Variants in OR5AS1 observed in about 807,000 individuals in gnomAD.
OR5AS1 encodes the protein olfactory receptor family 5 subfamily AS member 1.
For synonymous variants in OR5AS1, 196 were observed against 141.7 expected (o/e 1.38, Z -2.72); for missense variants, 492 against 378.2 (o/e 1.30, Z -2.50).
intron 1 of OR5AS1, among the ~76,000 whole-genome samples, chr11:56,030,022 A>T (rs191338771): frequency 7.2e-4 from 110 of 152,224 alleles, no homozygotes; most frequent in African/African-American, 2.4e-3. Context: ...ATGTGATTTT[A>T]GGGTTGCAAA....
In OR5AS1 at chr11:56,037,345, A is replaced by G. The variant is rs1414377696; in HGVS notation, c.*5952A>G. 2 of 152,084 alleles carry G rather than the reference A, an allele frequency of 1.3e-5. No homozygotes were observed. Among genetic ancestry groups the G allele is most frequent in the Non-Finnish European group, 2.9e-5 (2 of 68,008 alleles). 9.4% of individuals were successfully genotyped at this position (152,084 alleles called of 1,614,324 possible). A position where few individuals can be genotyped will look rare whatever the true frequency, so the allele number is the denominator to read the frequency against. ...ATCGTCTCTGTTTGCAGATGACATG[A>G]TTGTATATTTAGAAAACCCCATCGT... On this transcript the variant is annotated 3_prime_UTR_variant, in exon 2 of 2. Transcript: ENST00000641320.
Position 56,030,610 on chromosome 11 carries a change from C to A in OR5AS1, c.192C>A (p.Ser64Arg). The A allele has an allele frequency of 6.5e-7, 1 of 1,546,544 alleles. No homozygotes were observed. The highest frequency in any genetic ancestry group is 8.7e-7 in the Non-Finnish European group (1 of 1,149,768). The change falls in exon 2 of 2, where the codon AGC becomes AGA. Residue 64 changes from serine to arginine, a missense_variant. Transcript: ENST00000641320. Reference sequence around the variant, plus strand: ...AAATTCCCATGTATTATTTTCTTAGCAACTTATCTTTCTTAGACATCAGCT... The same window carrying A: ...AAATTCCCATGTATTATTTTCTTAGAAACTTATCTTTCTTAGACATCAGCT... ...SLQIPMYYFL[S>R]NLSFLDISCS...
In OR5AS1 at chr11:56,030,634, C is replaced by A; in HGVS notation, c.216C>A (p.Ser72Arg). The A allele has an allele frequency of 6.4e-7, 1 of 1,560,224 alleles. No individual in the cohort carries two copies. Among genetic ancestry groups the A allele is most frequent in the Non-Finnish European group, 8.7e-7 (1 of 1,154,572 alleles). ...GCAACTTATCTTTCTTAGACATCAG[C>A]TGTTCTACAGCAATCACTCCTAAAA... ...FLSNLSFLDI[S>R]CSTAITPKML... The change falls in exon 2 of 2, where the codon AGC becomes AGA. Residue 72 changes from serine (S) to arginine (R), a missense_variant. Ser to Arg is a moderately radical substitution (Grantham distance 110). Coordinates refer to ENST00000641320, the MANE Select transcript of OR5AS1 (RefSeq NM_001001921.2).
At chr11:56,029,894 C>T (rs1484802465) in intron 1 of OR5AS1, among the ~76,000 whole-genome samples, 4 of 152,008 alleles carry the variant, frequency 2.6e-5, no homozygotes, top group African/African-American at 7.3e-5. Context: ...AATTACCATG[C>T]TCTTAACTAC....
chr11:56,030,471 C>A lies in OR5AS1; in HGVS notation c.53C>A (p.Thr18Lys). ...ACTGAGTTCCTATTTGTTGGATTCA[C>A]AGATTATCTACCTCTCAGAGTCACA... ...MPTEFLFVGFTDYLPLRVTLF... is the reference protein window; with the variant it reads ...MPTEFLFVGFKDYLPLRVTLF... Residue 18 changes from threonine (T) to lysine (K), a missense_variant, in exon 2 of 2, where the codon ACA (threonine) becomes AAA (lysine). Physicochemically the swap from Thr to Lys is moderately conservative, Grantham distance 78. Coordinates refer to ENST00000641320, the MANE Select transcript of OR5AS1 (RefSeq NM_001001921.2). 1.3e-6 allele frequency: 2 copies of A among 1,495,050 alleles called. No homozygotes were observed. Among genetic ancestry groups the A allele is most frequent in the Non-Finnish European group, 1.8e-6 (2 of 1,120,744 alleles). The allele number at this position is 1,495,050 out of a possible 1,614,324, so 92.6% of individuals were successfully genotyped here.
Position 56,030,944 on chromosome 11 carries a change from C to T in OR5AS1, c.526C>T (p.His176Tyr). 4.3e-6 allele frequency: 7 copies of T among 1,614,116 alleles called. No individual in the cohort carries two copies. The highest frequency in any genetic ancestry group is 5.9e-6 in the Non-Finnish European group (7 of 1,179,988). Residue 176 changes from histidine (H) to tyrosine (Y), a missense_variant, in exon 2 of 2, where the codon CAT becomes TAT. Transcript: ENST00000641320. ...ATTTTGTGGCTCCAATATCGTCAAT[C>T]ATTTTTTCTGTGATATCCCACCTCT... is the stretch of plus-strand genomic sequence containing the variant. ...LSFCGSNIVN[H>Y]FFCDIPPLLA... is the part of the protein sequence containing the mutation.
rs1853415459 is a variant in OR5AS1, at chr11:56,037,271, G to A, written c.*5878G>A. ...TTGAAAGTGCTGGCCAGGGCAATCA[G>A]GCAAGATAAAGAAATAAAGGATATT... On this transcript the variant is annotated 3_prime_UTR_variant, in exon 2 of 2. Transcript: ENST00000641320. 6.6e-6 allele frequency: 1 copy of A among 152,026 alleles called. No individual in the cohort carries two copies. Among genetic ancestry groups the A allele is most frequent in the Non-Finnish European group, 1.5e-5 (1 of 68,028 alleles). 9.4% of individuals were successfully genotyped at this position (152,026 alleles called of 1,614,324 possible).
intron 1 of OR5AS1, 76 bp from the exon 2 acceptor site, chr11:56,030,315 T>C (rs1268620857): frequency 1.7e-6 from 1 of 594,108 alleles, no homozygotes; most frequent in Non-Finnish European, 2.7e-6. Flanking sequence ...TCTATTTGAT[T>C]CCTTAGAAGA....
chr11:56,037,823 G>T lies in OR5AS1; in HGVS notation c.*6430G>T, dbSNP rs1445922030. 3.3e-5 allele frequency: 5 copies of T among 151,202 alleles called. No homozygotes were observed. Among genetic ancestry groups the T allele is most frequent in the African/African-American group, 4.9e-5 (2 of 41,124 alleles). The allele number at this position is 151,202 out of a possible 1,614,324, so 9.4% of individuals were successfully genotyped here. A position where few individuals can be genotyped will look rare whatever the true frequency, so the allele number is the denominator to read the frequency against. Reference sequence around the variant, plus strand: ...GCCCATGTAGCCCAGGCAATCCTAAGCAAAAAGAACAAAGCTGGAGGCATC... The same window carrying T: ...GCCCATGTAGCCCAGGCAATCCTAATCAAAAAGAACAAAGCTGGAGGCATC... On this transcript the variant is annotated 3_prime_UTR_variant, in exon 2 of 2. Coordinates refer to ENST00000641320, the MANE Select transcript of OR5AS1 (RefSeq NM_001001921.2).
intron 1 of OR5AS1, among the ~76,000 whole-genome samples, chr11:56,028,980 T>C (rs1041397545): frequency 6.6e-6 from 1 of 152,064 alleles, no homozygotes; most frequent in African/African-American, 2.4e-5. Context: ...CTAGTATTTT[T>C]TCAGAGTTGG....
Position 56,035,457 on chromosome 11 carries a change from A to T in OR5AS1, c.*4064A>T, listed in dbSNP as rs1853394747. The T allele has an allele frequency of 7.8e-6, 1 of 128,188 alleles. No homozygotes were observed. Among genetic ancestry groups the T allele is most frequent in the African/African-American group, 2.8e-5 (1 of 35,726 alleles). The allele number at this position is 128,188 out of a possible 1,614,324, so 7.9% of individuals were successfully genotyped here. A position where few individuals can be genotyped will look rare whatever the true frequency, so the allele number is the denominator to read the frequency against. ...AATGGATAGCAAATAAAGAAAAAAG[A>T]AAAAAAAAACAACAAAGCACAGGGG... is the stretch of plus-strand genomic sequence containing the variant. On this transcript the variant is annotated 3_prime_UTR_variant, in exon 2 of 2. Coordinates refer to ENST00000641320, the MANE Select transcript of OR5AS1 (RefSeq NM_001001921.2).
chr11:56,029,654 A>C (rs1037143829), intron 1 of OR5AS1, among the ~76,000 whole-genome samples: 1 of 151,596 alleles, frequency 6.6e-6, no homozygotes, highest in Non-Finnish European at 1.5e-5. Context: ...GACAAAAAAA[A>C]CCCCAAAACA....
In OR5AS1 at chr11:56,035,110, C is replaced by T. The variant is rs1337667359; in HGVS notation, c.*3717C>T. 6.6e-6 allele frequency: 1 copy of T among 152,142 alleles called. No homozygotes were observed. The highest frequency in any genetic ancestry group is 2.4e-5 in the African/African-American group (1 of 41,380). The allele number at this position is 152,142 out of a possible 1,614,324, so 9.4% of individuals were successfully genotyped here. ...CACCAGGCCTGCTTTACAAGAGCTC[C>T]TGAAGGAAGCACTAAACATGGAAAG... On this transcript the variant is annotated 3_prime_UTR_variant, in exon 2 of 2. Transcript: ENST00000641320.
Position 56,031,593 on chromosome 11 carries a change from T to C in OR5AS1, c.*200T>C, listed in dbSNP as rs577671427. 1 of 426,766 alleles carries C rather than the reference T, an allele frequency of 2.3e-6. No homozygotes were observed. Among genetic ancestry groups the C allele is most frequent in the East Asian group, 3.7e-5 (1 of 27,018 alleles). The allele number at this position is 426,766 out of a possible 1,614,324, so 26.4% of individuals were successfully genotyped here. A position where few individuals can be genotyped will look rare whatever the true frequency, so the allele number is the denominator to read the frequency against. Reference sequence around the variant, plus strand: ...CCTAATTAAACATAGTCATTATTTATATCCAATTAGTGTTTCTAAAATGCT... The same window carrying C: ...CCTAATTAAACATAGTCATTATTTACATCCAATTAGTGTTTCTAAAATGCT... On this transcript the variant is annotated 3_prime_UTR_variant, in exon 2 of 2. Transcript: ENST00000641320.
Position 56,037,808 on chromosome 11 carries a change from C to T in OR5AS1, c.*6415C>T, listed in dbSNP as rs1209178115. On this transcript the variant is annotated 3_prime_UTR_variant, in exon 2 of 2. Coordinates refer to ENST00000641320, the MANE Select transcript of OR5AS1 (RefSeq NM_001001921.2). ...TGGAACCAGAAAACAGCCCATGTAG[C>T]CCAGGCAATCCTAAGCAAAAAGAAC... 6.6e-6 allele frequency: 1 copy of T among 151,758 alleles called. No individual in the cohort carries two copies. The highest frequency in any genetic ancestry group is 1.5e-5 in the Non-Finnish European group (1 of 67,978). The allele number at this position is 151,758 out of a possible 1,614,324, so 9.4% of individuals were successfully genotyped here.
At chr11:56,029,647 A>C (rs969803571) in intron 1 of OR5AS1, among the ~76,000 whole-genome samples, 2 of 132,966 alleles carry the variant, frequency 1.5e-5, no homozygotes, top group African/African-American at 2.5e-5. Context: ...GTGTTCAGAC[A>C]AAAAAAACCC....
chr11:56,029,607 G>A (rs910086759), intron 1 of OR5AS1, among the ~76,000 whole-genome samples: 3 of 151,540 alleles, frequency 2.0e-5, no homozygotes, highest in African/African-American at 7.3e-5. Flanking sequence ...AAGACAAGAT[G>A]AATATTGAGA....
intron 1 of OR5AS1, among the ~76,000 whole-genome samples, 160 bp from the exon 2 acceptor site, chr11:56,030,231 T>C (rs1052876528): frequency 1.3e-5 from 2 of 151,868 alleles, no homozygotes; most frequent in African/African-American, 4.8e-5. Context: ...TTAATTATTA[T>C]ACTTCCTTTA....
chr11:56,030,979 A>C lies in OR5AS1; in HGVS notation c.561A>C (p.Leu187Phe). Residue 187 changes from leucine (L) to phenylalanine (F), a missense_variant, in exon 2 of 2, where the codon TTA (leucine) becomes TTC (phenylalanine). Transcript: ENST00000641320. Reference protein sequence around the residue: ...FFCDIPPLLALSCTDTQINQL... With the variant: ...FFCDIPPLLAFSCTDTQINQL... The stretch of plus-strand genomic sequence containing the variant: ...GTGATATCCCACCTCTTCTGGCTTT[A>C]TCATGTACAGACACTCAGATCAACC... 3 of 1,614,134 alleles carry C rather than the reference A, an allele frequency of 1.9e-6. No homozygotes were observed. Among genetic ancestry groups the C allele is most frequent in the Non-Finnish European group, 2.5e-6 (3 of 1,180,014 alleles).
Sources: gnomAD v4.1 joint callset for allele counts (sites outside exome capture counted in the v4.1 genomes callset) on GRCh38, gnomAD v4.1.1 for gene constraint, MANE v1.5 for transcripts, NCBI Gene and HGNC (gene_info 2026-07-23, HGNC 2026-07-21) for gene names.